Variants in OXA1L observed in about 807,000 individuals in gnomAD.
OXA1L encodes mitochondrial inner membrane protein OXA1L.
A neutral mutation model predicts 52.2 loss-of-function variants in OXA1L; 42 were observed. The observed-to-expected ratio is 0.80, with a 90% CI of 0.63 to 1.04. OXA1L has a LOEUF of 1.04. Ranked by LOEUF, OXA1L falls within the 50% of genes least tolerant of loss-of-function variation. OXA1L has a pLI of 0.00. For missense variants in OXA1L, 572 were observed against 555.0 expected (o/e 1.03, Z -0.31); for synonymous variants, 239 against 201.9 (o/e 1.18, Z -1.56).
Position 22,770,463 on chromosome 14 carries a change from C to G in OXA1L, c.672C>G (p.Ala224=). The part of the protein sequence containing the change: ...YKPLILPVTQ[A]PIFISFFIAL... Reference sequence around the variant, plus strand: ...ACACTGTTTATCTTGTGTAATAGGCCCCAATCTTCATCTCCTTCTTCATTG... The same window carrying G: ...ACACTGTTTATCTTGTGTAATAGGCGCCAATCTTCATCTCCTTCTTCATTG... The change falls in exon 6 of 10, where the codon GCC becomes GCG. Residue 224 remains alanine, a splice_region_variant and synonymous_variant. Transcript: ENST00000612549. 1 of 1,612,956 alleles carries G rather than the reference C, an allele frequency of 6.2e-7. No individual in the cohort carries two copies. Among genetic ancestry groups the G allele is most frequent in the Non-Finnish European group, 8.5e-7 (1 of 1,179,116 alleles).
chr14:22,767,773 C>A (rs762729568), intron 2 of OXA1L, 185 bp from the exon 3 acceptor site: 1 of 538,900 alleles, frequency 1.9e-6, no homozygotes, highest in Middle Eastern at 4.8e-4. Context: ...CTCAAAGTAA[C>A]TTCTCTTCCT....
rs1389315509 is a variant in OXA1L, at chr14:22,771,987, A to T, written c.*429A>T. The T allele has an allele frequency of 6.1e-6, 1 of 164,162 alleles. No individual in the cohort carries two copies. The highest frequency in any genetic ancestry group is 1.3e-5 in the Non-Finnish European group (1 of 75,154). 10.2% of individuals were successfully genotyped at this position (164,162 alleles called of 1,614,324 possible). A position where few individuals can be genotyped will look rare whatever the true frequency, so the allele number is the denominator to read the frequency against. On this transcript the variant is annotated 3_prime_UTR_variant, in exon 10 of 10. Transcript: ENST00000612549. ...GTGGTGCACACCTGTAGTCCCAGCT[A>T]CTCGGGAGGCTGAGGCAGGAGAATT...
rs573280110 is a variant in OXA1L, at chr14:22,771,673, G to A, written c.*115G>A. On this transcript the variant is annotated 3_prime_UTR_variant, in exon 10 of 10. Coordinates refer to ENST00000612549, the MANE Select transcript of OXA1L (RefSeq NM_005015.5). The stretch of plus-strand genomic sequence containing the variant: ...CCTAGGAACTGTGGCACACAGAGAT[G>A]TTCATTTTAAAAACGGATTTCATGA... 1.8e-3 allele frequency: 1,975 copies of A among 1,107,096 alleles called. 5 individuals carry two copies. Among genetic ancestry groups the A allele is most frequent in the Middle Eastern group, 6.3e-3 (30 of 4,782 alleles). 68.6% of individuals were successfully genotyped at this position (1,107,096 alleles called of 1,614,324 possible).
Position 22,772,082 on chromosome 14 carries a change from A to T in OXA1L, c.*524A>T, listed in dbSNP as rs1033127512. 6.7e-6 allele frequency: 1 copy of T among 149,280 alleles called. No individual in the cohort carries two copies. The highest frequency in any genetic ancestry group is 2.4e-5 in the African/African-American group (1 of 41,110). 9.2% of individuals were successfully genotyped at this position (149,280 alleles called of 1,614,324 possible). On this transcript the variant is annotated 3_prime_UTR_variant, in exon 10 of 10. Transcript: ENST00000612549. Reference sequence around the variant, plus strand: ...CACCGCACTCCAGCCTGGGCAATAGAGGGAGACTGTCTCAAAAAAAAAAGA... The same window carrying T: ...CACCGCACTCCAGCCTGGGCAATAGTGGGAGACTGTCTCAAAAAAAAAAGA...
intron 6 of OXA1L, 77 bp downstream of exon 6, chr14:22,770,702 C>A: frequency 6.4e-7 from 1 of 1,551,574 alleles, no homozygotes; most frequent in South Asian, 1.1e-5. Context: ...ACAGAATGGT[C>A]ATCCTTCACT....
chr14:22,771,572 C>G lies in OXA1L; in HGVS notation c.*14C>G. On this transcript the variant is annotated 3_prime_UTR_variant, in exon 10 of 10. Transcript: ENST00000612549. The stretch of plus-strand genomic sequence containing the variant: ...ACACTTGGCTGACTTATGTTCTGTG[C>G]GCATTCTGGCAGGAATTCTGTCTCT... 6.2e-7 allele frequency: 1 copy of G among 1,613,812 alleles called. No homozygotes were observed. The highest frequency in any genetic ancestry group is 8.5e-7 in the Non-Finnish European group (1 of 1,179,726).
In OXA1L at chr14:22,770,891, A is replaced by G; in HGVS notation, c.921A>G (p.Ile307Met). Residue 307 changes from isoleucine to methionine, a missense_variant, in exon 7 of 10, where the codon ATA (isoleucine) becomes ATG (methionine). By Grantham distance (10) the Ile-to-Met change is conservative. Coordinates refer to ENST00000612549, the MANE Select transcript of OXA1L (RefSeq NM_005015.5). ...IRMMPLITLP[I>M]TMHFPTAVFM... is the part of the protein sequence containing the mutation. ...TGATGCCCCTGATAACCTTGCCCATAACCATGCATTTCCCCACGGTATGTA... is the reference window on the plus strand; with the variant it reads ...TGATGCCCCTGATAACCTTGCCCATGACCATGCATTTCCCCACGGTATGTA... The G allele has an allele frequency of 6.2e-7, 1 of 1,614,132 alleles. No homozygotes were observed. Among genetic ancestry groups the G allele is most frequent in the East Asian group, 2.2e-5 (1 of 44,894 alleles).
Position 22,770,445 on chromosome 14 carries a change from T to A in OXA1L, c.670-16T>A. ...CTCTGGTAAAGCATGCTGACACTGTTTATCTTGTGTAATAGGCCCCAATCT... is the reference window on the plus strand; with the variant it reads ...CTCTGGTAAAGCATGCTGACACTGTATATCTTGTGTAATAGGCCCCAATCT... On this transcript the variant is annotated splice_polypyrimidine_tract_variant and intron_variant, in intron 5 of 9. Transcript: ENST00000612549. The A allele has an allele frequency of 6.2e-7, 1 of 1,610,802 alleles. No individual in the cohort carries two copies. Among genetic ancestry groups the A allele is most frequent in the Non-Finnish European group, 8.5e-7 (1 of 1,177,256 alleles).
intron 3 of OXA1L, 91 bp downstream of exon 3, chr14:22,768,262 C>T (rs777895336): frequency 2.1e-5 from 21 of 996,460 alleles, no homozygotes; most frequent in Admixed American, 7.6e-5. Context: ...TGCAGAAGCT[C>T]TGGGGTCAGA....
intron 6 of OXA1L, 64 bp from the exon 7 acceptor site, chr14:22,770,741 A>G: frequency 6.4e-7 from 1 of 1,553,880 alleles, no homozygotes; most frequent in Non-Finnish European, 8.9e-7. Flanking sequence ...TGGGTAAGAG[A>G]TTAGAGACAG....
rs2038467547 is a variant in OXA1L at position 22,771,707 on chromosome 14, T to C, written c.*149T>C. On this transcript the variant is annotated 3_prime_UTR_variant, in exon 10 of 10. Transcript: ENST00000612549. ...AAAAACGGATTTCATGAAACACTCT[T>C]GTACTTATGTTTATAAGAGAGCACT... 1.2e-6 allele frequency: 1 copy of C among 821,478 alleles called. No homozygotes were observed. The highest frequency in any genetic ancestry group is 2.5e-5 in the East Asian group (1 of 40,812). 50.9% of individuals were successfully genotyped at this position (821,478 alleles called of 1,614,324 possible).
In OXA1L at chr14:22,769,913, T is replaced by A; in HGVS notation, c.562T>A (p.Leu188Ile). The A allele has an allele frequency of 6.2e-7, 1 of 1,614,160 alleles. No homozygotes were observed. The highest frequency in any genetic ancestry group is 8.5e-7 in the Non-Finnish European group (1 of 1,180,034). The change falls in exon 4 of 10, where the codon TTA becomes ATA. Residue 188 changes from leucine (L) to isoleucine (I), a missense_variant. Physicochemically the swap from Leu to Ile is conservative, Grantham distance 5. Around this residue, in one of 5 missense-constraint regions of OXA1L, gnomAD observed 132 missense variants for 124.0 expected, o/e 1.06. Coordinates refer to ENST00000612549, the MANE Select transcript of OXA1L (RefSeq NM_005015.5). ...TTCCAGTCGAATCAGAGAGGCCAAG[T>A]TAGCAGGAGACCATATTGAGTGTGA... Reference protein sequence around the residue: ...KFSSRIREAKLAGDHIEYYKA... With the variant: ...KFSSRIREAKIAGDHIEYYKA...
rs752440512 is a variant in OXA1L, at chr14:22,770,208, C to G, written c.599C>G (p.Ser200Trp). 3 of 1,610,572 alleles carry G rather than the reference C, an allele frequency of 1.9e-6. No individual in the cohort carries two copies. Among genetic ancestry groups the G allele is most frequent in the Non-Finnish European group, 2.5e-6 (3 of 1,176,816 alleles). ...CACCTCACAGATTACAAGGCTTCCT[C>G]GGAGATGGCACTTTACCAGAAAAAA... ...GDHIEYYKAS[S>W]EMALYQKKHG... The change falls in exon 5 of 10, where the codon TCG (serine) becomes TGG (tryptophan). Residue 200 changes from serine to tryptophan, a missense_variant. Physicochemically the swap from Ser to Trp is radical, Grantham distance 177. Transcript: ENST00000612549.
At chr14:22,767,053 T>G in intron 1 of OXA1L, 195 bp from the exon 2 acceptor site, 3 of 1,536,114 alleles carry the variant, frequency 2.0e-6, no homozygotes, top group Non-Finnish European at 2.6e-6. Context: ...GGAACCCAGG[T>G]TCGAGCTTCG....
At chr14:22,769,308 G>A (rs565120947) in intron 3 of OXA1L, among the ~76,000 whole-genome samples, 30 of 152,208 alleles carry the variant, frequency 2.0e-4, no homozygotes, top group Non-Finnish European at 3.1e-4. Context: ...GGCGATGTTC[G>A]TCTTTCTGTG....
At chr14:22,766,969 T>G (rs560439721) in intron 1 of OXA1L, 1 of 1,524,706 alleles carries the variant, frequency 6.6e-7, no homozygotes, top group African/African-American at 1.4e-5. Context: ...TGGAATTGGC[T>G]TGGCTCCTGG....
At chr14:22,767,075 C>T (rs927060269) in intron 1 of OXA1L, 173 bp from the exon 2 acceptor site, 3 of 1,536,458 alleles carry the variant, frequency 2.0e-6, no homozygotes, top group Non-Finnish European at 2.6e-6. Context: ...TCTGCAGGCA[C>T]CACCCGCTGC....
intron 3 of OXA1L, 54 bp downstream of exon 3, chr14:22,768,225 A>G (rs780648248): frequency 3.9e-5 from 53 of 1,367,380 alleles, no homozygotes; most frequent in Non-Finnish European, 5.1e-5. Flanking sequence ...ATAGATGGCA[A>G]TTCTTTGAAT....
rs572320858 is a variant in OXA1L at position 22,771,382 on chromosome 14, T to C, written c.1183+34T>C. The C allele has an allele frequency of 1.7e-4, 274 of 1,613,846 alleles. 1 individual carries two copies. The East Asian group carries it at 2.7e-3, about 16-fold the overall frequency. Reference sequence around the variant, plus strand: ...TCCTTTCAGGCCAAATTCTGTCTTTTGTTTCTTCCTTTCTGTTCTTCGTTG... The same window carrying C: ...TCCTTTCAGGCCAAATTCTGTCTTTCGTTTCTTCCTTTCTGTTCTTCGTTG... On this transcript the variant is annotated intron_variant, in intron 9 of 9. Coordinates refer to ENST00000612549, the MANE Select transcript of OXA1L (RefSeq NM_005015.5).
Sources: gnomAD v4.1 joint callset for allele counts (sites outside exome capture counted in the v4.1 genomes callset) on GRCh38, gnomAD v4.1.1 for gene constraint, gnomAD v4.1.1 regional missense constraint, MANE v1.5 for transcripts, NCBI Gene and HGNC (gene_info 2026-07-23, HGNC 2026-07-21) for gene names.